The following RTN1 variants were observed in gnomAD, a reference collection of about 807,000 sequenced individuals.
The protein encoded by RTN1 is reticulon-1.
A neutral mutation model predicts 65.5 loss-of-function variants in RTN1; 25 were observed. The ratio of observed to expected loss-of-function variants is 0.38; its 90% CI spans 0.28 to 0.53. The LOEUF (loss-of-function observed/expected upper bound fraction) is 0.53, where lower values mean the gene tolerates loss of function less well. Ranked by LOEUF, RTN1 falls within the 20% of genes least tolerant of loss-of-function variation. RTN1 has a pLI of 0.79. For missense variants in RTN1, 983 were observed against 1,025.4 expected (o/e 0.96, Z 0.57); for synonymous variants, 471 against 447.6 (o/e 1.05, Z -0.66).
In RTN1 at chr14:59,868,414, CCAAA is replaced by C. The variant is rs1441859453; in HGVS notation, c.241+1972_241+1975del. Reference sequence around the variant, plus strand: ...TATTTGTTGCCTAGGATAGAAAACCCCAAACACATTCAATAAAGCAAGGTATTTC... The same window carrying C: ...TATTTGTTGCCTAGGATAGAAAACCCCACATTCAATAAAGCAAGGTATTTC... On this transcript the variant is annotated intron_variant, in intron 1 of 8. Coordinates refer to ENST00000267484, the MANE Select transcript of RTN1 (RefSeq NM_021136.3). This position sits in a 1 kb window ranked among gnomAD's most constrained non-coding sequence, Gnocchi z 4.0. Among the ~76,000 whole-genome samples the C allele has an allele frequency of 1.3e-5, 2 of 152,092 alleles. No homozygotes were observed. Among genetic ancestry groups the C allele is most frequent in the Admixed American group, 1.3e-4 (2 of 15,272 alleles).
At chr14:59,663,127 T>C in intron 3 of RTN1, among the ~76,000 whole-genome samples, 1 of 152,128 alleles carries the variant, frequency 6.6e-6, no homozygotes, top group East Asian at 1.9e-4. Flanking sequence ...TCTACAACCA[T>C]CTGATTTTGA....
At chr14:59,610,262 A>G (rs1260969032) in intron 3 of RTN1, 5 of 670,994 alleles carry the variant, frequency 7.5e-6, no homozygotes, top group South Asian at 3.4e-5. Flanking sequence ...GCTAAGTAAC[A>G]TGAGTTTGGT....
chr14:59,774,657 A>G lies in RTN1; in HGVS notation c.242-28176T>C, dbSNP rs1886017515. ...TTTTCATTTGGAATCTCATATTTAT[A>G]TGTGTATTCTTAATGTTCCTTTCTA... On this transcript the variant is annotated intron_variant, in intron 1 of 8. Transcript: ENST00000267484. This position sits in a 1 kb window ranked among gnomAD's most constrained non-coding sequence, Gnocchi z 5.1. 6.7e-6 allele frequency among the ~76,000 whole-genome samples: 1 copy of G among 149,834 alleles called. No homozygotes were observed. Among genetic ancestry groups the G allele is most frequent in the Non-Finnish European group, 1.5e-5 (1 of 68,006 alleles).
At chr14:59,867,067 C>G (rs1457350657) in intron 1 of RTN1, among the ~76,000 whole-genome samples, 1 of 152,048 alleles carries the variant, frequency 6.6e-6, no homozygotes, top group Non-Finnish European at 1.5e-5. Context: ...TTTTCCTGAC[C>G]ATTCTCCATC....
At chr14:59,749,318 A>G (rs866320489) in intron 1 of RTN1, among the ~76,000 whole-genome samples, 2 of 54,806 alleles carry the variant, frequency 3.6e-5, no homozygotes, top group East Asian at 4.6e-4. Context: ...CTATATATAT[A>G]TCTATATATC....
chr14:59,817,666 T>C (rs1886847377), intron 1 of RTN1, among the ~76,000 whole-genome samples: 2 of 151,916 alleles, frequency 1.3e-5, no homozygotes, highest in Admixed American at 6.6e-5. Flanking sequence ...GAAGAGCAAG[T>C]CTGCTGGATG....
At chr14:59,748,384 A>C (rs889347326) in intron 1 of RTN1, among the ~76,000 whole-genome samples, 4 of 151,810 alleles carry the variant, frequency 2.6e-5, no homozygotes, top group African/African-American at 9.7e-5. Context: ...GCGGCTTTGC[A>C]CTAGCTGTTT....
chr14:59,678,388 G>A (rs2140219950), intron 3 of RTN1, among the ~76,000 whole-genome samples: 1 of 152,260 alleles, frequency 6.6e-6, no homozygotes, highest in South Asian at 2.1e-4. Context: ...GGCTGGAAGT[G>A]GTCTCTTTTT....
At chr14:59,822,332 T>C (rs1886958108) in intron 1 of RTN1, among the ~76,000 whole-genome samples, 1 of 152,208 alleles carries the variant, frequency 6.6e-6, no homozygotes. Context: ...GGGGTTTCTG[T>C]ATTTCTGTGG....
chr14:59,687,729 T>G (rs553628521), intron 3 of RTN1, among the ~76,000 whole-genome samples: 1 of 151,684 alleles, frequency 6.6e-6, no homozygotes, highest in South Asian at 2.1e-4. Flanking sequence ...ATTAGCATCC[T>G]GACCCATTGT....
intron 1 of RTN1, among the ~76,000 whole-genome samples, chr14:59,819,637 C>A (rs1316407765): frequency 1.3e-5 from 2 of 152,076 alleles, no homozygotes; most frequent in African/African-American, 4.8e-5. Flanking sequence ...GGACCGGGCG[C>A]TGCGGAGCAG....
intron 3 of RTN1, among the ~76,000 whole-genome samples, chr14:59,635,746 T>C (rs1882652665): frequency 6.6e-6 from 1 of 151,870 alleles, no homozygotes; most frequent in Admixed American, 6.6e-5. Flanking sequence ...AATAAGAAAA[T>C]ACAAAGAACT....
intron 3 of RTN1, among the ~76,000 whole-genome samples, chr14:59,656,986 A>T (rs1883134368): frequency 6.6e-6 from 1 of 151,950 alleles, no homozygotes; most frequent in Non-Finnish European, 1.5e-5. Context: ...CCCCACTTTT[A>T]TTTTTTTCAA....
intron 4 of RTN1, chr14:59,606,120 A>ATC (rs1566658087): frequency 5.4e-5 from 5 of 92,148 alleles, no homozygotes; most frequent in Non-Finnish European, 8.6e-5. Flanking sequence ...ATATATATAT[A>ATC]TATATATCAT....
rs1882617042 is a variant in RTN1 at position 59,634,260 on chromosome 14, GTAA to G, written c.1766-26771_1766-26769del. Among the ~76,000 whole-genome samples the G allele has an allele frequency of 3.9e-5, 6 of 152,148 alleles. No individual in the cohort carries two copies. The South Asian group carries it at 1.2e-3, about 32-fold the overall frequency. On this transcript the variant is annotated intron_variant, in intron 3 of 8. Transcript: ENST00000267484. ...ATGCACTGCGTTTTCATGACAGAATGTAATAATTGGTACACTATATAAGCATCT... is the reference window on the plus strand; with the variant it reads ...ATGCACTGCGTTTTCATGACAGAATGTAATTGGTACACTATATAAGCATCT...
At position 59,727,370 on chromosome 14, in the gene RTN1, G is replaced by T. The variant is rs1209000797; in HGVS notation, c.1314C>A (p.Gly438=). The change falls in exon 3 of 9, where the codon GGC becomes GGA. Residue 438 remains glycine, a synonymous_variant. Transcript: ENST00000267484. The surrounding 1 kb of genome is among the most constrained non-coding windows in gnomAD (Gnocchi z 4.2). ...GCGAGGCGGGCGAGGGCGGCGGGCC[G>T]CCCACGTGGCCAAAGCTCACATAGC... ...PSGYVSFGHV[G]GPPPSPASPS... is the part of the protein sequence containing the mutation. The T allele has an allele frequency of 2.0e-6, 3 of 1,519,496 alleles. No individual in the cohort carries two copies. Among genetic ancestry groups the T allele is most frequent in the Non-Finnish European group, 2.6e-6 (3 of 1,133,208 alleles). 94.1% of individuals were successfully genotyped at this position (1,519,496 alleles called of 1,614,324 possible). A position where few individuals can be genotyped will look rare whatever the true frequency, so the allele number is the denominator to read the frequency against.
At position 59,603,822 on chromosome 14, in the gene RTN1, G is replaced by A. The variant is rs369995966; in HGVS notation, c.2182+30C>T. 5 of 1,566,440 alleles carry A rather than the reference G, an allele frequency of 3.2e-6. No homozygotes were observed. The African/African-American group carries it at 4.1e-5, about 13-fold the overall frequency. On this transcript the variant is annotated intron_variant, in intron 6 of 8. Transcript: ENST00000267484. Reference sequence around the variant, plus strand: ...CAGCGTTTTCACAGAGGGGGTGAAGGAAGACGTATACAGTCTTATCTGCTC... The same window carrying A: ...CAGCGTTTTCACAGAGGGGGTGAAGAAAGACGTATACAGTCTTATCTGCTC...
At chr14:59,819,414 A>ACC (rs1566737477) in intron 1 of RTN1, among the ~76,000 whole-genome samples, 2 of 31,862 alleles carry the variant, frequency 6.3e-5, no homozygotes, top group Non-Finnish European at 1.1e-4. Flanking sequence ...CACCACCACC[A>ACC]CCCCCCCCCC....
chr14:59,625,091 G>A (rs1950780), intron 3 of RTN1, among the ~76,000 whole-genome samples: 121,707 of 152,090 alleles, frequency 0.8, 48,802 homozygotes, highest in Admixed American at 0.85. Context: ...AGGGAGGGAG[G>A]GAAGGAGGGA....
Sources: gnomAD v4.1 joint callset for allele counts (sites outside exome capture counted in the v4.1 genomes callset) on GRCh38, gnomAD v4.1.1 for gene constraint, Gnocchi (gnomAD v3.1) non-coding constraint, MANE v1.5 for transcripts, NCBI Gene and HGNC (gene_info 2026-07-23, HGNC 2026-07-21) for gene names.